Variants in KANK1 observed in about 807,000 individuals in gnomAD.
KANK1 encodes the protein KN motif and ankyrin repeat domains 1.
Under a neutral mutation model 106.2 loss-of-function variants are expected in KANK1, and 109 were observed. The observed-to-expected ratio is 1.03, with a 90% CI of 0.88 to 1.20. KANK1 has a LOEUF of 1.20. KANK1 is among the 50% of genes most tolerant of loss of function. The pLI, the probability that KANK1 is intolerant of heterozygous loss-of-function variation, is 0.00. For missense variants in KANK1, 2,399 were observed against 1,710.7 expected (o/e 1.40, Z -7.10); for synonymous variants, 873 against 652.2 (o/e 1.34, Z -5.16).
chr9:738,303 C>G lies in KANK1; in HGVS notation c.3352C>G (p.Leu1118Val). 1 of 1,613,230 alleles carries G rather than the reference C, an allele frequency of 6.2e-7. No homozygotes were observed. Reference sequence around the variant, plus strand: ...TTGGCAGAGGTTCTGTCTGAACACCCTCCAGCACGAGTGGTTCCGCGTGTC... The same window carrying G: ...TTGGCAGAGGTTCTGTCTGAACACCGTCCAGCACGAGTGGTTCCGCGTGTC... The part of the protein sequence containing the change: ...SKDMRFCLNT[L>V]QHEWFRVSSQ... The change falls in exon 8 of 12, where the codon CTC becomes GTC. Residue 1118 changes from leucine (L) to valine (V), a missense_variant. Leu to Val is a conservative substitution (Grantham distance 32). Transcript: ENST00000382297.
At chr9:493,652 A>G (rs1396829358) in intron 3 of KANK1, among the ~76,000 whole-genome samples, 6 of 150,070 alleles carry the variant, frequency 4.0e-5, no homozygotes, top group Non-Finnish European at 3.0e-5. Flanking sequence ...GGCTCAAGCA[A>G]TTCTCCTGCC....
intron 1 of KANK1, among the ~76,000 whole-genome samples, chr9:540,212 A>G (rs1180317985): frequency 6.6e-6 from 1 of 152,162 alleles, no homozygotes; most frequent in Non-Finnish European, 1.5e-5. Context: ...CATTCTTTAT[A>G]CCTAATCTGT....
chr9:658,147 G>A (rs1842541931), intron 1 of KANK1, among the ~76,000 whole-genome samples: 1 of 152,074 alleles, frequency 6.6e-6, no homozygotes, highest in Admixed American at 6.5e-5. Context: ...ACTATTCCTG[G>A]AATGTCCAGT....
intron 1 of KANK1, among the ~76,000 whole-genome samples, chr9:641,094 G>T (rs933635234): frequency 2.0e-5 from 3 of 152,170 alleles, no homozygotes; most frequent in Non-Finnish European, 2.9e-5. Flanking sequence ...CATGTTGATA[G>T]CCCAAACCAA....
intron 1 of KANK1, chr9:660,198 A>T (rs1471460945): frequency 1.7e-5 from 5 of 286,930 alleles, no homozygotes; most frequent in African/African-American, 1.1e-4. Context: ...GCCTGCAATG[A>T]TACTGTAATT....
At chr9:633,276 G>T (rs1836232529) in intron 1 of KANK1, among the ~76,000 whole-genome samples, 1 of 152,006 alleles carries the variant, frequency 6.6e-6, no homozygotes, top group South Asian at 2.1e-4. Flanking sequence ...CTAACACGGT[G>T]AAATCGCATC....
At chr9:609,641 TAAATA>T (rs1418654530) in intron 1 of KANK1, among the ~76,000 whole-genome samples, 3 of 151,812 alleles carry the variant, frequency 2.0e-5, no homozygotes, top group Admixed American at 6.6e-5. Context: ...AAAAAATAAA[TAAATA>T]AAATAAAATA....
chr9:638,905 A>T (rs907871003), intron 1 of KANK1, among the ~76,000 whole-genome samples: 4 of 152,222 alleles, frequency 2.6e-5, no homozygotes, highest in African/African-American at 9.7e-5. Flanking sequence ...ACTTAGGAGT[A>T]GTTCATTCCT....
intron 2 of KANK1, among the ~76,000 whole-genome samples, chr9:694,390 A>G (rs1163111176): frequency 6.6e-6 from 1 of 152,252 alleles, no homozygotes; most frequent in Non-Finnish European, 1.5e-5. Context: ...AAGTTTGGAA[A>G]ATAACAGTCC....
intron 1 of KANK1, among the ~76,000 whole-genome samples, chr9:578,133 A>G (rs1821079442): frequency 6.6e-6 from 1 of 152,230 alleles, no homozygotes; most frequent in Non-Finnish European, 1.5e-5. Flanking sequence ...TTTAAAGGGC[A>G]GAACTGAGCC....
intron 1 of KANK1, among the ~76,000 whole-genome samples, chr9:584,687 C>G (rs1330823883): frequency 6.6e-6 from 1 of 152,148 alleles, no homozygotes; most frequent in Non-Finnish European, 1.5e-5. Flanking sequence ...CAAAACCAGG[C>G]ATGTGAGGAT....
At chr9:605,838 G>C (rs1447667336) in intron 1 of KANK1, among the ~76,000 whole-genome samples, 2 of 151,616 alleles carry the variant, frequency 1.3e-5, no homozygotes, top group African/African-American at 4.9e-5. Flanking sequence ...TTTTATTATG[G>C]GTTGAGCAGT....
At chr9:604,202 G>A (rs1416458613) in intron 1 of KANK1, among the ~76,000 whole-genome samples, 3 of 151,610 alleles carry the variant, frequency 2.0e-5, no homozygotes, top group Admixed American at 6.6e-5. Flanking sequence ...TCCTGGAGAC[G>A]TGGTAAACAA....
At chr9:727,544 G>A (rs890131306) in intron 3 of KANK1, among the ~76,000 whole-genome samples, 2 of 152,176 alleles carry the variant, frequency 1.3e-5, no homozygotes, top group Non-Finnish European at 2.9e-5. Flanking sequence ...TCAAACTCCT[G>A]ACCTCAAGTA....
chr9:718,076 T>TA (rs1457342548), intron 3 of KANK1, among the ~76,000 whole-genome samples: 119 of 152,330 alleles, frequency 7.8e-4, no homozygotes, highest in Non-Finnish European at 1.3e-3. Flanking sequence ...CATTACAAAA[T>TA]ACGTTTCTAG....
chr9:700,164 G>A (rs1464286023), intron 2 of KANK1, among the ~76,000 whole-genome samples: 2 of 152,142 alleles, frequency 1.3e-5, no homozygotes, highest in Non-Finnish European at 2.9e-5. Flanking sequence ...TATCTGGGAG[G>A]GAAAAGAGCA....
intron 2 of KANK1, among the ~76,000 whole-genome samples, chr9:701,557 T>C (rs1029597809): frequency 6.6e-6 from 1 of 152,166 alleles, no homozygotes; most frequent in African/African-American, 2.4e-5. Flanking sequence ...GTCTTGTGCA[T>C]GGCAAAATGT....
chr9:606,142 TACACACACACACACACAC>T (rs3028170), intron 1 of KANK1, among the ~76,000 whole-genome samples: 16 of 141,692 alleles, frequency 1.1e-4, no homozygotes, highest in South Asian at 4.5e-4. Context: ...CACATATTCC[TACACACACACACACACAC>T]ACACACACAC....
chr9:713,262 G>A lies in KANK1; in HGVS notation c.2496G>A (p.Lys832=), dbSNP rs143785996. ...ATCACTACATTGAGCGTATCCAGAA[G>A]CTGCTGGCAGAACAGCAGACACTGC... is the stretch of plus-strand genomic sequence containing the variant. ...GLDHYIERIQ[K]LLAEQQTLLA... Residue 832 remains lysine (K), a synonymous_variant, in exon 3 of 12, where the codon AAG becomes AAA. Transcript: ENST00000382297. 1 of 1,612,016 alleles carries A rather than the reference G, an allele frequency of 6.2e-7. No individual in the cohort carries two copies. Among genetic ancestry groups the A allele is most frequent in the Admixed American group, 1.7e-5 (1 of 59,760 alleles).
Sources: allele counts gnomAD v4.1 joint callset (sites outside exome capture counted in the v4.1 genomes callset), GRCh38; gene constraint gnomAD v4.1.1; transcripts MANE v1.5; gene names NCBI Gene and HGNC (gene_info 2026-07-23, HGNC 2026-07-21).